Variants in LIAS observed in about 807,000 individuals in gnomAD.
The protein encoded by LIAS is lipoic acid synthetase, also known as lipoyl synthase, mitochondrial.
A neutral mutation model predicts 49.4 loss-of-function variants in LIAS; 36 were observed. The ratio of observed to expected loss-of-function variants is 0.73; its 90% CI spans 0.56 to 0.96. The LOEUF is 0.96. Ranked by LOEUF, LIAS falls within the 40% of genes least tolerant of loss-of-function variation. The pLI, the probability that LIAS is intolerant of heterozygous loss-of-function variation, is 0.00. For synonymous variants in LIAS, 145 were observed against 155.8 expected, an observed-to-expected ratio of 0.93 and a Z score of 0.52; for missense variants, 399 against 456.3, an observed-to-expected ratio of 0.87 and a Z score of 1.14.
chr4:39,477,345 A>G lies in LIAS; in HGVS notation c.*230A>G, dbSNP rs1012010856. The G allele has an allele frequency of 5.3e-6, 2 of 378,904 alleles. No individual in the cohort carries two copies. Among genetic ancestry groups the G allele is most frequent in the South Asian group, 2.8e-5 (1 of 35,262 alleles). The allele number at this position is 378,904 out of a possible 1,614,324, so 23.5% of individuals were successfully genotyped here. A position where few individuals can be genotyped will look rare whatever the true frequency, so the allele number is the denominator to read the frequency against. ...GGAGTTCGAGACCAGCCTGGCCAAC[A>G]TGGTGAAATCCTGTCTCCACTAAAA... is the stretch of plus-strand genomic sequence containing the variant. On this transcript the variant is annotated 3_prime_UTR_variant, in exon 11 of 11. Coordinates refer to ENST00000640888, the MANE Select transcript of LIAS (RefSeq NM_006859.4).
Position 39,460,894 on chromosome 4 carries a change from T to C in LIAS, c.150T>C (p.Ser50=). The C allele has an allele frequency of 6.2e-7, 1 of 1,613,382 alleles. No homozygotes were observed. The highest frequency in any genetic ancestry group is 8.5e-7 in the Non-Finnish European group (1 of 1,179,662). Residue 50 remains serine (S), a synonymous_variant, in exon 2 of 11, where the codon TCT becomes TCC. Transcript: ENST00000640888. ...GACCAGACCTTCAAGATTTTGTATCTGGTGATCTTGCAGACAGGAGCACCT... is the reference window on the plus strand; with the variant it reads ...GACCAGACCTTCAAGATTTTGTATCCGGTGATCTTGCAGACAGGAGCACCT... ...QNGPDLQDFV[S]GDLADRSTWD...
intron 7 of LIAS, chr4:39,468,213 C>A (rs2109879807): frequency 2.0e-5 from 3 of 152,134 alleles, no homozygotes; most frequent in Non-Finnish European, 4.4e-5. Context: ...GATGCTGTGG[C>A]TCACGCCTGT....
rs750439302 is a variant in LIAS at position 39,460,858 on chromosome 4, C to A, written c.114C>A (p.Leu38=). The A allele has an allele frequency of 5.6e-6, 9 of 1,611,358 alleles. No homozygotes were observed. The highest frequency in any genetic ancestry group is 4.5e-5 in the East Asian group (2 of 44,840). The change falls in exon 2 of 11, where the codon CTC becomes CTA. Residue 38 remains leucine, a synonymous_variant. Transcript: ENST00000640888. The part of the protein sequence containing the change: ...LSSLPDKKKE[L]LQNGPDLQDF... ...CCTTGCCAGATAAAAAAAAGGAACTCCTACAGAATGGACCAGACCTTCAAG... is the reference window on the plus strand; with the variant it reads ...CCTTGCCAGATAAAAAAAAGGAACTACTACAGAATGGACCAGACCTTCAAG...
At position 39,477,185 on chromosome 4, in the gene LIAS, C is replaced by T; in HGVS notation, c.*70C>T. On this transcript the variant is annotated 3_prime_UTR_variant, in exon 11 of 11. Coordinates refer to ENST00000640888, the MANE Select transcript of LIAS (RefSeq NM_006859.4). ...ATTCCAGTTAATAACAGAGGTGGTG[C>T]CAGAATGCCTGGACTGCAGTGGATG... The T allele has an allele frequency of 8.2e-7, 1 of 1,218,062 alleles. No homozygotes were observed. The highest frequency in any genetic ancestry group is 1.2e-6 in the Non-Finnish European group (1 of 845,150). The allele number at this position is 1,218,062 out of a possible 1,614,324, so 75.5% of individuals were successfully genotyped here. A position where few individuals can be genotyped will look rare whatever the true frequency, so the allele number is the denominator to read the frequency against.
Position 39,477,269 on chromosome 4 carries a change from C to G in LIAS, c.*154C>G. On this transcript the variant is annotated 3_prime_UTR_variant, in exon 11 of 11. Coordinates refer to ENST00000640888, the MANE Select transcript of LIAS (RefSeq NM_006859.4). Reference sequence around the variant, plus strand: ...AATAGCCAGGCATAGTGGCTCACGCCTGTAATCCCAGCACTTTAGGAGGCC... The same window carrying G: ...AATAGCCAGGCATAGTGGCTCACGCGTGTAATCCCAGCACTTTAGGAGGCC... The G allele has an allele frequency of 1.6e-6, 1 of 606,462 alleles. No homozygotes were observed. The highest frequency in any genetic ancestry group is 1.9e-5 in the South Asian group (1 of 53,668). 37.6% of individuals were successfully genotyped at this position (606,462 alleles called of 1,614,324 possible).
At chr4:39,461,830 G>T (rs1397404880) in intron 2 of LIAS, among the ~76,000 whole-genome samples, 1 of 152,186 alleles carries the variant, frequency 6.6e-6, no homozygotes, top group Non-Finnish European at 1.5e-5. Context: ...AAGTAGCTGG[G>T]ACTACAGGCG....
chr4:39,469,959 A>G, intron 7 of LIAS, 60 bp from the exon 8 acceptor site: 3 of 1,522,416 alleles, frequency 2.0e-6, no homozygotes, highest in Non-Finnish European at 2.7e-6. Flanking sequence ...GGTTGCTTGC[A>G]TAACTATGTA....
In LIAS at chr4:39,462,285, A is replaced by G. The variant is rs1744544294; in HGVS notation, c.308A>G (p.His103Arg). 1 of 1,510,810 alleles carries G rather than the reference A, an allele frequency of 6.6e-7. No individual in the cohort carries two copies. The highest frequency in any genetic ancestry group is 9.0e-7 in the Non-Finnish European group (1 of 1,114,508). 93.6% of individuals were successfully genotyped at this position (1,510,810 alleles called of 1,614,324 possible). Residue 103 changes from histidine to arginine, a missense_variant, in exon 3 of 11, where the codon CAT (histidine) becomes CGT (arginine). Around this residue, in one of 3 missense-constraint regions of LIAS, gnomAD observed 159 missense variants for 147.6 expected, o/e 1.08. Coordinates refer to ENST00000640888, the MANE Select transcript of LIAS (RefSeq NM_006859.4). ...AATACTTTGCGGAATTTAAATCTCC[A>G]TACAGTAAGTTGTCAAAGTGTAAAC... is the stretch of plus-strand genomic sequence containing the variant. ...LKNTLRNLNL[H>R]TVCEEARCPN...
intron 4 of LIAS, 129 bp downstream of exon 4, chr4:39,463,734 T>A: frequency 7.4e-7 from 1 of 1,354,894 alleles, no homozygotes; most frequent in Admixed American, 3.3e-5. Flanking sequence ...TTATGAAAAA[T>A]ATTAAGAAAA....
At chr4:39,461,650 T>G (rs1744502246) in intron 2 of LIAS, among the ~76,000 whole-genome samples, 1 of 152,212 alleles carries the variant, frequency 6.6e-6, no homozygotes, top group African/African-American at 2.4e-5. Flanking sequence ...GCAAAAAAGG[T>G]AGACGTGAGT....
chr4:39,460,999 C>G (rs1744472626), intron 2 of LIAS, 37 bp downstream of exon 2: 3 of 1,527,616 alleles, frequency 2.0e-6, no homozygotes, highest in Non-Finnish European at 2.7e-6. Flanking sequence ...ACGTCCCGTT[C>G]CTTTATTGTG....
rs67611743 is a variant in LIAS at position 39,471,326 on chromosome 4, CTT to C, written c.954+36_954+37del. 157,531 of 1,215,770 alleles carry C rather than the reference CTT, an allele frequency of 0.13. 642 individuals carry two copies. The highest frequency in any genetic ancestry group is 0.15 in the African/African-American group (8,962 of 61,154). The allele number at this position is 1,215,770 out of a possible 1,614,324, so 75.3% of individuals were successfully genotyped here. A position where few individuals can be genotyped will look rare whatever the true frequency, so the allele number is the denominator to read the frequency against. On this transcript the variant is annotated intron_variant, in intron 9 of 10. Coordinates refer to ENST00000640888, the MANE Select transcript of LIAS (RefSeq NM_006859.4). ...CTTAAGGTACATGTATCTTGATTTGCTTTTTTTTTTTTTTTTTATTTTTAAAG... is the reference window on the plus strand; with the variant it reads ...CTTAAGGTACATGTATCTTGATTTGCTTTTTTTTTTTTTTTATTTTTAAAG...
intron 6 of LIAS, chr4:39,466,512 C>A (rs912946554): frequency 6.6e-6 from 1 of 151,670 alleles, no homozygotes; most frequent in South Asian, 2.1e-4. Context: ...TGAGGACAGG[C>A]GTTCAAGACC....
At position 39,459,159 on chromosome 4, in the gene LIAS, C is replaced by G. The variant is rs753034980; in HGVS notation, c.42C>G (p.Pro14=). 4 of 1,613,070 alleles carry G rather than the reference C, an allele frequency of 2.5e-6. No homozygotes were observed. Among genetic ancestry groups the G allele is most frequent in the Non-Finnish European group, 1.7e-6 (2 of 1,179,946 alleles). Residue 14 remains proline (P), a synonymous_variant, in exon 1 of 11, where the codon CCC becomes CCG. Transcript: ENST00000640888. ...GGGATGCAGCCCGCACCCTGGGGCC[C>G]CGGGTGAGCGGCGGGGCGAACGGGT... ...RCGDAARTLG[P]RVFGRYFCSP... is the part of the protein sequence containing the mutation.
intron 2 of LIAS, among the ~76,000 whole-genome samples, chr4:39,461,442 A>G (rs1004028866): frequency 1.3e-5 from 2 of 152,234 alleles, no homozygotes; most frequent in African/African-American, 4.8e-5. Flanking sequence ...CCAAGGATAC[A>G]CAGTCTCCAG....
rs909598365 is a variant in LIAS at position 39,478,169 on chromosome 4, G to A, written c.*1054G>A. 6.6e-6 allele frequency: 1 copy of A among 152,136 alleles called. No homozygotes were observed. The highest frequency in any genetic ancestry group is 2.4e-5 in the African/African-American group (1 of 41,424). The allele number at this position is 152,136 out of a possible 1,614,324, so 9.4% of individuals were successfully genotyped here. A position where few individuals can be genotyped will look rare whatever the true frequency, so the allele number is the denominator to read the frequency against. On this transcript the variant is annotated 3_prime_UTR_variant, in exon 11 of 11. Coordinates refer to ENST00000640888, the MANE Select transcript of LIAS (RefSeq NM_006859.4). ...ACGTAGATTGAAACTCATCAGATTA[G>A]CATTTGTCCTTGTAATATTGGAATA...
At chr4:39,468,995 A>C (rs1339975434) in intron 7 of LIAS, 1 of 152,182 alleles carries the variant, frequency 6.6e-6, no homozygotes, top group Non-Finnish European at 1.5e-5. Flanking sequence ...AGTAACACTG[A>C]TGTAAGAAAA....
rs1207306697 is a variant in LIAS, at chr4:39,471,233, C to T, written c.884-3C>T. On this transcript the variant is annotated splice_polypyrimidine_tract_variant and splice_region_variant and intron_variant, in intron 8 of 10. Coordinates refer to ENST00000640888, the MANE Select transcript of LIAS (RefSeq NM_006859.4). ...AATGTAATTTGTGCTTTTCTTCCTACAGCACTTCGTGAGGCAGATGTAGAC... is the reference window on the plus strand; with the variant it reads ...AATGTAATTTGTGCTTTTCTTCCTATAGCACTTCGTGAGGCAGATGTAGAC... 1.2e-6 allele frequency: 2 copies of T among 1,606,786 alleles called. No homozygotes were observed. The highest frequency in any genetic ancestry group is 1.7e-6 in the Non-Finnish European group (2 of 1,174,444).
chr4:39,462,683 T>G (rs895120154), intron 3 of LIAS, among the ~76,000 whole-genome samples: 1 of 152,256 alleles, frequency 6.6e-6, no homozygotes, highest in Non-Finnish European at 1.5e-5. Flanking sequence ...GTAAAGTTTT[T>G]AATTTAAAAA....
Sources: gnomAD v4.1 joint callset for allele counts (sites outside exome capture counted in the v4.1 genomes callset) on GRCh38, gnomAD v4.1.1 for gene constraint, gnomAD v4.1.1 regional missense constraint, MANE v1.5 for transcripts, NCBI Gene and HGNC (gene_info 2026-07-23, HGNC 2026-07-21) for gene names.